Variants in ZSCAN2 observed in about 807,000 individuals in gnomAD.
ZSCAN2 encodes the protein zinc finger and SCAN domain containing 2.
A neutral mutation model predicts 47.8 loss-of-function variants in ZSCAN2; 26 were observed. The observed-to-expected ratio is 0.54, with a 90% CI of 0.40 to 0.75. The LOEUF (loss-of-function observed/expected upper bound fraction) is 0.75, where lower values mean the gene tolerates loss of function less well. Among genes scored for constraint, ZSCAN2 ranks in the 30% least tolerant of loss-of-function variants. ZSCAN2 has a pLI of 0.00. For synonymous variants in ZSCAN2, 305 were observed against 288.7 expected (o/e 1.06, Z -0.57); for missense variants, 732 against 785.4 (o/e 0.93, Z 0.81).
At chr15:84,607,459 A>C (rs1163957266) in intron 2 of ZSCAN2, among the ~76,000 whole-genome samples, 6 of 132,760 alleles carry the variant, frequency 4.5e-5, no homozygotes, top group Admixed American at 1.6e-4. Context: ...CTCTATCCCC[A>C]CTCCATTCAG....
chr15:84,603,814 T>G lies in ZSCAN2; in HGVS notation c.-108-6T>G, dbSNP rs1252446294. 1 of 1,278,994 alleles carries G rather than the reference T, an allele frequency of 7.8e-7. No homozygotes were observed. The highest frequency in any genetic ancestry group is 1.5e-5 in the African/African-American group (1 of 66,654). 79.2% of individuals were successfully genotyped at this position (1,278,994 alleles called of 1,614,324 possible). The stretch of plus-strand genomic sequence containing the variant: ...ATGGATTATGGTTCTCTTTTTTGTT[T>G]CTCAGCGGGACTACTTGTTGATATT... On this transcript the variant is annotated splice_polypyrimidine_tract_variant and splice_region_variant and intron_variant, in intron 1 of 2. Coordinates refer to ENST00000546148, the MANE Select transcript of ZSCAN2 (RefSeq NM_181877.4).
Position 84,622,090 on chromosome 15 carries a change from A to G in ZSCAN2, c.*50A>G. On this transcript the variant is annotated 3_prime_UTR_variant, in exon 3 of 3. Coordinates refer to ENST00000546148, the MANE Select transcript of ZSCAN2 (RefSeq NM_181877.4). The stretch of plus-strand genomic sequence containing the variant: ...ACTGGCCTGGAGTGGGAGTTGCCAC[A>G]CTGCCCCAACAGTGATTCCCTTTCA... 2 of 1,455,384 alleles carry G rather than the reference A, an allele frequency of 1.4e-6. No individual in the cohort carries two copies. Among genetic ancestry groups the G allele is most frequent in the Non-Finnish European group, 1.9e-6 (2 of 1,065,502 alleles). 90.2% of individuals were successfully genotyped at this position (1,455,384 alleles called of 1,614,324 possible).
Position 84,621,601 on chromosome 15 carries a change from CAG to C in ZSCAN2, c.1407_1408del (p.Lys472ThrfsTer90), listed in dbSNP as rs757937926. 22 of 1,614,014 alleles carry C rather than the reference CAG, an allele frequency of 1.4e-5. No homozygotes were observed. The highest frequency in any genetic ancestry group is 1.6e-4 in the Middle Eastern group (1 of 6,084). ...CTGATTGCACACCAGGGCATGCACA[CAG>C]GGGAGAAACCCTACGAGTGCCTGAC... On this transcript the variant is annotated frameshift_variant, in exon 3 of 3. Coordinates refer to ENST00000546148, the MANE Select transcript of ZSCAN2 (RefSeq NM_181877.4). LOFTEE classifies it high-confidence loss of function. The surrounding 1 kb of genome is among the most constrained non-coding windows in gnomAD (Gnocchi z 5.7).
intron 2 of ZSCAN2, among the ~76,000 whole-genome samples, chr15:84,609,497 C>T (rs761588652): frequency 6.6e-6 from 1 of 152,058 alleles, no homozygotes; most frequent in East Asian, 1.9e-4. Context: ...CCAAAAATTA[C>T]CTTTAATTTA....
intron 2 of ZSCAN2, among the ~76,000 whole-genome samples, chr15:84,611,156 A>T (rs951388181): frequency 3.9e-5 from 6 of 151,914 alleles, no homozygotes; most frequent in African/African-American, 1.4e-4. Context: ...TTAGCCGGGC[A>T]TGTGGTGGTG....
intron 2 of ZSCAN2, among the ~76,000 whole-genome samples, chr15:84,619,443 AAAT>A (rs988194034): frequency 1.3e-5 from 2 of 152,102 alleles, no homozygotes; most frequent in Non-Finnish European, 2.9e-5. Flanking sequence ...AAAAAAAAAA[AAAT>A]CTATTCATAA....
Position 84,604,389 on chromosome 15 carries a change from G to A in ZSCAN2, c.406+56G>A. On this transcript the variant is annotated intron_variant, in intron 2 of 2. Transcript: ENST00000546148. The stretch of plus-strand genomic sequence containing the variant: ...GGGAGCACCCTTCCAAGGTAGAGGA[G>A]TGTGGTGTTTCGGAGGAGGAGAAGG... 22 of 1,537,800 alleles carry A rather than the reference G, an allele frequency of 1.4e-5. No homozygotes were observed. In the South Asian group the frequency reaches 2.5e-4, roughly 18 times the overall value.
At chr15:84,611,360 T>G (rs1187078055) in intron 2 of ZSCAN2, among the ~76,000 whole-genome samples, 1 of 151,674 alleles carries the variant, frequency 6.6e-6, no homozygotes, top group East Asian at 1.9e-4. Flanking sequence ...GGGGCTGAGG[T>G]GGGAGGATCA....
chr15:84,604,642 T>G (rs1307652301), intron 2 of ZSCAN2, among the ~76,000 whole-genome samples: 1 of 152,178 alleles, frequency 6.6e-6, no homozygotes, highest in South Asian at 2.1e-4. Context: ...TGGAGACCCC[T>G]GGCACCTTCA....
Position 84,613,776 on chromosome 15 carries a change from C to T in ZSCAN2, c.407-6826C>T, listed in dbSNP as rs770815236. Among the ~76,000 whole-genome samples the T allele has an allele frequency of 4.0e-5, 6 of 150,338 alleles. No individual in the cohort carries two copies. The South Asian group carries it at 8.4e-4, about 21-fold the overall frequency. On this transcript the variant is annotated intron_variant, in intron 2 of 2. Coordinates refer to ENST00000546148, the MANE Select transcript of ZSCAN2 (RefSeq NM_181877.4). ...TGCAACCTCCACCTCCTGGGTTCAACGATTCAACGATTCTCCTGCCTTAGC... is the reference window on the plus strand; with the variant it reads ...TGCAACCTCCACCTCCTGGGTTCAATGATTCAACGATTCTCCTGCCTTAGC...
At chr15:84,603,049 C>G (rs186067541) in intron 1 of ZSCAN2, among the ~76,000 whole-genome samples, 54 of 152,260 alleles carry the variant, frequency 3.5e-4, no homozygotes, top group Non-Finnish European at 6.3e-4. Context: ...AAACTTCATA[C>G]TTAAAGTATG....
At chr15:84,601,607 T>C (rs1222075347) in intron 1 of ZSCAN2, among the ~76,000 whole-genome samples, 1 of 152,240 alleles carries the variant, frequency 6.6e-6, no homozygotes, top group Non-Finnish European at 1.5e-5. Context: ...CACTAGCTTT[T>C]ATTTTTTGTC....
At position 84,621,460 on chromosome 15, in the gene ZSCAN2, AGT is replaced by A; in HGVS notation, c.1269_1270del (p.Cys423TrpfsTer9). On this transcript the variant is annotated frameshift_variant, in exon 3 of 3. Coordinates refer to ENST00000546148, the MANE Select transcript of ZSCAN2 (RefSeq NM_181877.4). LOFTEE classifies it high-confidence loss of function. This position sits in a 1 kb window ranked among gnomAD's most constrained non-coding sequence, Gnocchi z 5.7. The stretch of plus-strand genomic sequence containing the variant: ...GGAGAGAAACCCTACCAGTGCAGCG[AGT>A]GTGGGAAAAGCTTCAGCCGCAGCTC... 4.3e-6 allele frequency: 7 copies of A among 1,614,040 alleles called. No individual in the cohort carries two copies. Among genetic ancestry groups the A allele is most frequent in the Non-Finnish European group, 5.9e-6 (7 of 1,180,000 alleles).
chr15:84,616,348 A>G (rs757204923), intron 2 of ZSCAN2: 1 of 1,599,086 alleles, frequency 6.3e-7, no homozygotes, highest in Non-Finnish European at 8.6e-7. Context: ...GTGTGATTCC[A>G]GTTGCAGCCT....
At chr15:84,609,223 C>G (rs1022245696) in intron 2 of ZSCAN2, among the ~76,000 whole-genome samples, 5 of 149,954 alleles carry the variant, frequency 3.3e-5, no homozygotes, top group African/African-American at 1.0e-4. Context: ...AGCTACAATT[C>G]TTAGCTTCAA....
chr15:84,621,763 C>G lies in ZSCAN2; in HGVS notation c.1568C>G (p.Thr523Ser). The G allele has an allele frequency of 6.2e-7, 1 of 1,614,168 alleles. No homozygotes were observed. Among genetic ancestry groups the G allele is most frequent in the South Asian group, 1.1e-5 (1 of 91,084 alleles). ...TCCCAGCTCGTAGTGCACCAGCGGA[C>G]CCACACGGGCGAGAAGCCCTACAAA... is the stretch of plus-strand genomic sequence containing the variant. Reference protein sequence around the residue: ...QRSQLVVHQRTHTGEKPYKCL... With the variant: ...QRSQLVVHQRSHTGEKPYKCL... The change falls in exon 3 of 3, where the codon ACC becomes AGC. Residue 523 changes from threonine (T) to serine (S), a missense_variant. Thr to Ser is a moderately conservative substitution (Grantham distance 58, BLOSUM62 1). Around this residue, in one of 2 missense-constraint regions of ZSCAN2, gnomAD observed 412 missense variants for 498.0 expected, o/e 0.83. Coordinates refer to ENST00000546148, the MANE Select transcript of ZSCAN2 (RefSeq NM_181877.4). The surrounding 1 kb of genome is among the most constrained non-coding windows in gnomAD (Gnocchi z 5.7).
In ZSCAN2 at chr15:84,621,559, T is replaced by C; in HGVS notation, c.1364T>C (p.Phe455Ser). The C allele has an allele frequency of 6.2e-7, 1 of 1,613,920 alleles. No individual in the cohort carries two copies. The highest frequency in any genetic ancestry group is 8.5e-7 in the Non-Finnish European group (1 of 1,179,996). Residue 455 changes from phenylalanine to serine, a missense_variant, in exon 3 of 3, where the codon TTC becomes TCC. Physicochemically the swap from Phe to Ser is radical, Grantham distance 155. Around this residue, in one of 2 missense-constraint regions of ZSCAN2, gnomAD observed 412 missense variants for 498.0 expected, o/e 0.83. Transcript: ENST00000546148. The surrounding 1 kb of genome is among the most constrained non-coding windows in gnomAD (Gnocchi z 5.7). ...PYKCGVCGKS[F>S]SQSSSLIAHQ... ...AAGTGTGGGGTGTGTGGGAAGAGCT[T>C]CAGCCAGAGCTCCAGTCTGATTGCA...
At chr15:84,616,954 C>G (rs1895707062) in intron 2 of ZSCAN2, among the ~76,000 whole-genome samples, 1 of 152,062 alleles carries the variant, frequency 6.6e-6, no homozygotes, top group Non-Finnish European at 1.5e-5. Flanking sequence ...GAAACCCTGT[C>G]TCTACTAAAA....
chr15:84,609,854 CA>C (rs1447615052), intron 2 of ZSCAN2, among the ~76,000 whole-genome samples: 5 of 152,206 alleles, frequency 3.3e-5, no homozygotes, highest in African/African-American at 1.2e-4. Flanking sequence ...ACCAAAGCAC[CA>C]AAGACTGTGA....
Sources: allele counts gnomAD v4.1 joint callset (sites outside exome capture counted in the v4.1 genomes callset), GRCh38; gene constraint gnomAD v4.1.1; regional missense constraint gnomAD v4.1.1; non-coding constraint Gnocchi (gnomAD v3.1); transcripts MANE v1.5; gene names NCBI Gene and HGNC (gene_info 2026-07-23, HGNC 2026-07-21).